Variants in SUPT3H observed in about 807,000 individuals in gnomAD.
SUPT3H encodes transcription initiation protein SPT3 homolog.
In SUPT3H, 44 loss-of-function variants were observed where a neutral mutation model predicts 44.3. The observed-to-expected ratio is 0.99, with a 90% CI of 0.78 to 1.28. SUPT3H has a LOEUF of 1.28. SUPT3H is among the 50% of genes most tolerant of loss of function. The probability of loss-of-function intolerance (pLI) is 0.00; values close to 1 mark genes in which losing one functional copy is unlikely to be tolerated. For synonymous variants in SUPT3H, 124 were observed against 125.6 expected, an observed-to-expected ratio of 0.99 and a Z score of 0.09; for missense variants, 380 against 387.1, an observed-to-expected ratio of 0.98 and a Z score of 0.15.
At chr6:44,821,025 A>G (rs1212174141) in intron 11 of SUPT3H, among the ~76,000 whole-genome samples, 1 of 151,866 alleles carries the variant, frequency 6.6e-6, no homozygotes, top group East Asian at 1.9e-4. Flanking sequence ...TACTTTTTTA[A>G]TTTTTTGTAG....
At chr6:45,351,195 A>G (rs910173785) in intron 2 of SUPT3H, among the ~76,000 whole-genome samples, 1 of 152,106 alleles carries the variant, frequency 6.6e-6, no homozygotes, top group South Asian at 2.1e-4. Context: ...ACTAAGATAC[A>G]TACAAAAAAA....
intron 10 of SUPT3H, among the ~76,000 whole-genome samples, chr6:44,860,265 C>G (rs1774428673): frequency 6.6e-6 from 1 of 152,146 alleles, no homozygotes; most frequent in African/African-American, 2.4e-5. Context: ...AGTAAATGCC[C>G]ACTTTTGCGT....
intron 2 of SUPT3H, among the ~76,000 whole-genome samples, chr6:45,241,126 C>T (rs933685156): frequency 2.6e-5 from 4 of 152,078 alleles, no homozygotes; most frequent in Non-Finnish European, 2.9e-5. Flanking sequence ...CCGACTCCTG[C>T]GAGAAGTAGC....
At chr6:45,198,610 A>T (rs1339596694) in intron 2 of SUPT3H, among the ~76,000 whole-genome samples, 1 of 151,432 alleles carries the variant, frequency 6.6e-6, no homozygotes, top group Admixed American at 6.6e-5. Context: ...TCAATGTCTC[A>T]TCTGTAACAA....
chr6:45,012,544 C>T (rs567246886), intron 5 of SUPT3H, among the ~76,000 whole-genome samples: 16 of 152,044 alleles, frequency 1.1e-4, no homozygotes, highest in East Asian at 7.8e-4. Flanking sequence ...CTTTGTGAGA[C>T]GCTATTATCA....
chr6:45,322,017 T>A, intron 2 of SUPT3H: 1 of 583,320 alleles, frequency 1.7e-6, no homozygotes, highest in Non-Finnish European at 3.0e-6. Flanking sequence ...AGTTTTAATA[T>A]TGTTAATACT....
At chr6:44,861,963 C>T (rs1167732600) in intron 10 of SUPT3H, among the ~76,000 whole-genome samples, 2 of 152,182 alleles carry the variant, frequency 1.3e-5, no homozygotes, top group Non-Finnish European at 2.9e-5. Context: ...GAAAAGTTGA[C>T]AGTACCTATA....
intron 2 of SUPT3H, among the ~76,000 whole-genome samples, chr6:45,249,450 A>AC (rs954145886): frequency 1.4e-5 from 2 of 144,882 alleles, no homozygotes; most frequent in African/African-American, 5.4e-5. Context: ...CAACAGACAC[A>AC]CAAAAAAAAA....
chr6:44,876,836 G>GAAAAAAAAAAAA (rs200454659), intron 10 of SUPT3H, among the ~76,000 whole-genome samples: 39 of 92,204 alleles, frequency 4.2e-4, no homozygotes, highest in East Asian at 6.5e-4. Context: ...ATCTTCAATT[G>GAAAAAAAAAAAA]AAAAAAAAAA....
intron 3 of SUPT3H, among the ~76,000 whole-genome samples, chr6:45,100,612 A>G (rs1394544731): frequency 1.3e-5 from 2 of 150,088 alleles, no homozygotes; most frequent in Non-Finnish European, 3.0e-5. Context: ...AATGTCACTA[A>G]TCATCAGGGA....
chr6:44,839,730 C>A (rs1370080456), intron 10 of SUPT3H, among the ~76,000 whole-genome samples: 1 of 151,302 alleles, frequency 6.6e-6, no homozygotes, highest in African/African-American at 2.4e-5. Flanking sequence ...GAGACGGAGT[C>A]TCTCTCTGTC....
At chr6:45,004,464 T>C (rs904904539) in intron 5 of SUPT3H, among the ~76,000 whole-genome samples, 4 of 151,992 alleles carry the variant, frequency 2.6e-5, no homozygotes, top group Non-Finnish European at 5.9e-5. Context: ...ACTATATACA[T>C]ATAAGAATCT....
At chr6:45,170,392 A>T (rs963896807) in intron 2 of SUPT3H, among the ~76,000 whole-genome samples, 1 of 152,184 alleles carries the variant, frequency 6.6e-6, no homozygotes, top group African/African-American at 2.4e-5. Flanking sequence ...TCAGTCTACA[A>T]ATAAAGAGCA....
intron 2 of SUPT3H, among the ~76,000 whole-genome samples, chr6:45,137,124 A>G (rs1419520235): frequency 1.3e-5 from 2 of 152,158 alleles, no homozygotes; most frequent in East Asian, 1.9e-4. Flanking sequence ...AGAAATGTCA[A>G]CTAAGAATCC....
intron 10 of SUPT3H, among the ~76,000 whole-genome samples, chr6:44,892,721 A>G (rs1410790309): frequency 6.6e-6 from 1 of 152,190 alleles, no homozygotes; most frequent in African/African-American, 2.4e-5. Flanking sequence ...AGAAGCCCAC[A>G]TAGGTCAAGT....
In SUPT3H at chr6:45,194,949, T is replaced by C. The variant is rs138189782; in HGVS notation, c.102-88943A>G. Among the ~76,000 whole-genome samples, 68 of 152,302 alleles carry C rather than the reference T, an allele frequency of 4.5e-4. No homozygotes were observed. The East Asian group carries it at 0.013, about 28-fold the overall frequency. On this transcript the variant is annotated intron_variant, in intron 2 of 10. Coordinates refer to ENST00000371459, the MANE Select transcript of SUPT3H (RefSeq NM_003599.4). ...ATCATAAAAGGCAAAACTAAAATGC[T>C]TTAACTACTGTGAAAAGACCTATAA...
intron 10 of SUPT3H, among the ~76,000 whole-genome samples, chr6:44,895,461 C>G (rs1763991759): frequency 1.3e-5 from 2 of 152,104 alleles, no homozygotes; most frequent in African/African-American, 4.8e-5. Context: ...TTTAAAAATA[C>G]TTTGACCAAA....
At chr6:45,282,008 C>G (rs559727576) in intron 2 of SUPT3H, among the ~76,000 whole-genome samples, 2 of 152,330 alleles carry the variant, frequency 1.3e-5, no homozygotes, top group African/African-American at 4.8e-5. Flanking sequence ...CAAACTCCAA[C>G]AGACCTGCAG....
At chr6:45,225,334 T>G (rs540458413) in intron 2 of SUPT3H, among the ~76,000 whole-genome samples, 1 of 151,536 alleles carries the variant, frequency 6.6e-6, no homozygotes, top group African/African-American at 2.4e-5. Context: ...CAGACAGGAT[T>G]TTTATGTTCT....
Sources: allele counts gnomAD v4.1 joint callset (sites outside exome capture counted in the v4.1 genomes callset), GRCh38; gene constraint gnomAD v4.1.1; transcripts MANE v1.5; gene names NCBI Gene and HGNC (gene_info 2026-07-23, HGNC 2026-07-21).